Variants in ISY1 observed in about 807,000 individuals in gnomAD.
ISY1 encodes the protein pre-mRNA-splicing factor ISY1 homolog.
Under a neutral mutation model 54.4 loss-of-function variants are expected in ISY1, and 12 were observed. That is an observed-to-expected ratio of 0.22 (90% CI 0.14 to 0.36). ISY1 has a LOEUF of 0.36. Among genes scored for constraint, ISY1 ranks in the 10% least tolerant of loss-of-function variants. ISY1 has a pLI of 1.00. For synonymous variants in ISY1, 96 were observed against 117.9 expected (o/e 0.81, Z 1.20); for missense variants, 282 against 342.2 (o/e 0.82, Z 1.39).
rs1311372895 is a variant in ISY1 at position 129,128,600 on chromosome 3, C to T, written c.*1481G>A. 6.5e-6 allele frequency: 1 copy of T among 152,860 alleles called. No homozygotes were observed. The highest frequency in any genetic ancestry group is 2.4e-5 in the African/African-American group (1 of 41,448). 9.5% of individuals were successfully genotyped at this position (152,860 alleles called of 1,614,324 possible). On this transcript the variant is annotated 3_prime_UTR_variant, in exon 11 of 11. Transcript: ENST00000393295. ...CTTAGAGAGGGCCCAGCACTGGCCA[C>T]TCTCCCGACTTGGCCACACACAGCC...
intron 7 of ISY1, 36 bp downstream of exon 7, chr3:129,140,332 C>T (rs1219065640): frequency 1.3e-6 from 2 of 1,561,264 alleles, no homozygotes; most frequent in African/African-American, 1.4e-5. Flanking sequence ...ATGATTATTA[C>T]CAATGAAAGG....
At chr3:129,158,881 C>G (rs1282684071) in intron 2 of ISY1, among the ~76,000 whole-genome samples, 1 of 152,138 alleles carries the variant, frequency 6.6e-6, no homozygotes, top group Non-Finnish European at 1.5e-5. Flanking sequence ...ATGGTGTGTT[C>G]CCTGGCTGTC....
intron 1 of ISY1, among the ~76,000 whole-genome samples, 162 bp from the exon 2 acceptor site, chr3:129,159,338 C>T (rs996362569): frequency 3.3e-5 from 5 of 152,144 alleles, no homozygotes; most frequent in African/African-American, 1.2e-4. Context: ...TGTCCAAATC[C>T]TGTGACCAAG....
chr3:129,135,575 C>T (rs1332310811), intron 7 of ISY1, among the ~76,000 whole-genome samples: 2 of 151,814 alleles, frequency 1.3e-5, no homozygotes, highest in African/African-American at 2.4e-5. Flanking sequence ...ACCAGCGTGG[C>T]CAATATGGTG....
chr3:129,147,190 A>G (rs1418863527), intron 5 of ISY1, among the ~76,000 whole-genome samples: 1 of 152,094 alleles, frequency 6.6e-6, no homozygotes, highest in Non-Finnish European at 1.5e-5. Context: ...GCCTTGGCCA[A>G]CATGGGGGAG....
Position 129,154,799 on chromosome 3 carries a change from C to T in ISY1, c.187+1834G>A, listed in dbSNP as rs529088679. 5.9e-5 allele frequency among the ~76,000 whole-genome samples: 9 copies of T among 151,838 alleles called. No homozygotes were observed. The East Asian group carries it at 1.4e-3, about 23-fold the overall frequency. On this transcript the variant is annotated intron_variant, in intron 5 of 10. Transcript: ENST00000393295. ...CACCTCTTGGGTTCATGCCATTCTC[C>T]TGCCTCAGCCTCCCAAGTAGCTGGG... is the stretch of plus-strand genomic sequence containing the variant.
chr3:129,148,776 C>G (rs1469988851), intron 5 of ISY1, among the ~76,000 whole-genome samples: 1 of 152,046 alleles, frequency 6.6e-6, no homozygotes, highest in East Asian at 1.9e-4. Flanking sequence ...GCCATGTTGG[C>G]CAGGCTGGTC....
chr3:129,136,876 T>C (rs1225409309), intron 7 of ISY1, among the ~76,000 whole-genome samples: 2 of 140,712 alleles, frequency 1.4e-5, no homozygotes, highest in Non-Finnish European at 3.1e-5. Flanking sequence ...TTCTTCTTCT[T>C]TTTTTTTTTA....
In ISY1 at chr3:129,145,745, G is replaced by A. The variant is rs571443454; in HGVS notation, c.300+16C>T. Reference sequence around the variant, plus strand: ...AAACTAGACAAGACCCGCCACTGGGGCTGCCATGTACTCACTCCATAATCA... The same window carrying A: ...AAACTAGACAAGACCCGCCACTGGGACTGCCATGTACTCACTCCATAATCA... On this transcript the variant is annotated intron_variant, in intron 6 of 10. Coordinates refer to ENST00000393295, the MANE Select transcript of ISY1 (RefSeq NM_020701.4). 99 of 1,610,074 alleles carry A rather than the reference G, an allele frequency of 6.1e-5. No homozygotes were observed. In the South Asian group the frequency reaches 1.0e-3, roughly 17 times the overall value.
intron 10 of ISY1, 92 bp downstream of exon 10, chr3:129,130,458 T>C: frequency 6.7e-7 from 1 of 1,487,002 alleles, no homozygotes; most frequent in Non-Finnish European, 9.1e-7. Flanking sequence ...CCCTGATGGG[T>C]AGGAAGGACA....
At chr3:129,153,405 A>T (rs971457495) in intron 5 of ISY1, among the ~76,000 whole-genome samples, 3 of 152,194 alleles carry the variant, frequency 2.0e-5, no homozygotes, top group African/African-American at 7.2e-5. Context: ...TAGTTTATTT[A>T]GGATAATTAT....
intron 6 of ISY1, among the ~76,000 whole-genome samples, chr3:129,141,446 CTG>C (rs140835290): frequency 0.035 from 5,292 of 151,886 alleles, 205 homozygotes; most frequent in East Asian, 0.11. Context: ...GAGCAAGACC[CTG>C]TCTCAAAAAA....
At chr3:129,159,095 G>A (rs552715261) in intron 2 of ISY1, 59 bp downstream of exon 2, 253 of 1,587,288 alleles carry the variant, frequency 1.6e-4, no homozygotes, top group East Asian at 1.0e-3. Flanking sequence ...TACACAAAGA[G>A]TTACATGGTG....
In ISY1 at chr3:129,133,959, G is replaced by A. The variant is rs1001706275; in HGVS notation, c.663+115C>T. 2.2e-5 allele frequency: 34 copies of A among 1,527,536 alleles called. No homozygotes were observed. The African/African-American group carries it at 4.0e-4, about 18-fold the overall frequency. 94.6% of individuals were successfully genotyped at this position (1,527,536 alleles called of 1,614,324 possible). ...GTGTTTTCACAGCCATCCTGCAGGT[G>A]AGCAAGCTGGGCTGTGAACCCTGAC... On this transcript the variant is annotated intron_variant, in intron 9 of 10. Coordinates refer to ENST00000393295, the MANE Select transcript of ISY1 (RefSeq NM_020701.4).
chr3:129,143,277 C>A (rs963211374), intron 6 of ISY1, among the ~76,000 whole-genome samples: 4 of 151,604 alleles, frequency 2.6e-5, no homozygotes, highest in Admixed American at 2.6e-4. Context: ...GAGACCAAGG[C>A]GGACAGATCA....
At chr3:129,156,714 T>A in intron 4 of ISY1, 39 bp from the exon 5 acceptor site, 1 of 1,572,912 alleles carries the variant, frequency 6.4e-7, no homozygotes, top group Non-Finnish European at 8.6e-7. Context: ...AATTTTTGAA[T>A]ATGTTAGAAA....
intron 6 of ISY1, among the ~76,000 whole-genome samples, chr3:129,141,560 CT>C (rs972488577): frequency 2.0e-5 from 3 of 151,966 alleles, no homozygotes; most frequent in African/African-American, 7.2e-5. Context: ...CGAGACCATC[CT>C]GGCTAACATG....
chr3:129,159,845 T>A (rs1291714775), intron 1 of ISY1, among the ~76,000 whole-genome samples: 1 of 152,174 alleles, frequency 6.6e-6, no homozygotes, highest in East Asian at 1.9e-4. Flanking sequence ...TGTCACGATA[T>A]CTTCATGAGA....
At chr3:129,158,049 G>A (rs186947253) in intron 3 of ISY1, among the ~76,000 whole-genome samples, 189 of 152,028 alleles carry the variant, frequency 1.2e-3, no homozygotes, top group Non-Finnish European at 2.3e-3. Context: ...AGTAGAGATG[G>A]GGTTTCACCA....
Sources: allele counts gnomAD v4.1 joint callset (sites outside exome capture counted in the v4.1 genomes callset), GRCh38; gene constraint gnomAD v4.1.1; transcripts MANE v1.5; gene names NCBI Gene and HGNC (gene_info 2026-07-23, HGNC 2026-07-21).